The following CA5A variants were observed in gnomAD, a reference collection of about 807,000 sequenced individuals.
The protein encoded by CA5A is carbonic anhydrase 5A.
In CA5A, 28 loss-of-function variants were observed where a neutral mutation model predicts 37.1. That is an observed-to-expected ratio of 0.75 (90% CI 0.56 to 1.03). CA5A has a LOEUF of 1.03. Ranked by LOEUF, CA5A falls within the 50% of genes least tolerant of loss-of-function variation. CA5A has a pLI of 0.00. For synonymous variants in CA5A, 171 were observed against 158.4 expected, an observed-to-expected ratio of 1.08 and a Z score of -0.60; for missense variants, 444 against 399.9, an observed-to-expected ratio of 1.11 and a Z score of -0.94.
At chr16:87,929,341 A>AC (rs1339721430) in intron 1 of CA5A, among the ~76,000 whole-genome samples, 7 of 150,726 alleles carry the variant, frequency 4.6e-5, no homozygotes, top group Non-Finnish European at 1.0e-4. Context: ...AATCCCAGCT[A>AC]CCGGGGAGGC....
chr16:87,933,494 G>A (rs2056434015), intron 1 of CA5A, among the ~76,000 whole-genome samples: 1 of 152,110 alleles, frequency 6.6e-6, no homozygotes, highest in African/African-American at 2.4e-5. Context: ...TCCTGCCTCA[G>A]CCTCCCAAGT....
intron 2 of CA5A, among the ~76,000 whole-genome samples, chr16:87,918,906 A>T (rs756504360): frequency 1.4e-4 from 21 of 152,154 alleles, no homozygotes; most frequent in Non-Finnish European, 2.8e-4. Flanking sequence ...AGAGACGGGG[A>T]GGGGACCGGG....
intron 2 of CA5A, among the ~76,000 whole-genome samples, chr16:87,914,011 C>G (rs528584234): frequency 2.0e-5 from 3 of 152,210 alleles, no homozygotes; most frequent in Non-Finnish European, 2.9e-5. Flanking sequence ...CTTATTTCCC[C>G]GATGACCTTT....
chr16:87,905,039 C>A lies in CA5A; in HGVS notation c.341-135G>T, dbSNP rs201120156. 1,458 of 696,064 alleles carry A rather than the reference C, an allele frequency of 2.1e-3. 1 individual carries two copies. Among genetic ancestry groups the A allele is most frequent in the Middle Eastern group, 8.3e-3 (20 of 2,424 alleles). 43.1% of individuals were successfully genotyped at this position (696,064 alleles called of 1,614,324 possible). ...TTGCTGTATGGTTGAAGTGACAAGC[C>A]AAAGGTGGGCTCCGTGAAAGGTGGG... is the stretch of plus-strand genomic sequence containing the variant. On this transcript the variant is annotated intron_variant, in intron 2 of 6. Coordinates refer to ENST00000649794, the MANE Select transcript of CA5A (RefSeq NM_001739.2).
chr16:87,912,402 C>G (rs1284160233), intron 2 of CA5A, among the ~76,000 whole-genome samples: 1 of 152,198 alleles, frequency 6.6e-6, no homozygotes, highest in Non-Finnish European at 1.5e-5. Flanking sequence ...AAGCAGATAC[C>G]ACGATTCTCA....
chr16:87,909,760 C>T (rs2056023592), intron 2 of CA5A, among the ~76,000 whole-genome samples: 1 of 152,216 alleles, frequency 6.6e-6, no homozygotes, highest in African/African-American at 2.4e-5. Flanking sequence ...CGAAATTAGA[C>T]CTGCGCCGCG....
In CA5A at chr16:87,908,914, C is replaced by T. The variant is rs140348760; in HGVS notation, c.341-4010G>A. ...CACTGCAACCTCCACCTCCCGGGTT[C>T]AAGAGATTCTCCTGCCTCACTGCCT... On this transcript the variant is annotated intron_variant, in intron 2 of 6. Coordinates refer to ENST00000649794, the MANE Select transcript of CA5A (RefSeq NM_001739.2). Among the ~76,000 whole-genome samples, 887 of 152,156 alleles carry T rather than the reference C, an allele frequency of 5.8e-3. 11 individuals are homozygous for T. Among genetic ancestry groups the T allele is most frequent in the African/African-American group, 0.02 (840 of 41,484 alleles).
chr16:87,891,873 G>C lies in CA5A; in HGVS notation c.700C>G (p.Leu234Val). The C allele has an allele frequency of 6.4e-7, 1 of 1,574,220 alleles. No homozygotes were observed. The highest frequency in any genetic ancestry group is 8.6e-7 in the Non-Finnish European group (1 of 1,161,932). ...GACTCGGTCAGCGGCGGGGTGGTGA[G>C]CGAGCCCGCGTAGGTCCAGTAATCC... Reference protein sequence around the residue: ...CWDYWTYAGSLTTPPLTESVT... With the variant: ...CWDYWTYAGSVTTPPLTESVT... Residue 234 changes from leucine (L) to valine (V), a missense_variant, in exon 6 of 7, where the codon CTC becomes GTC. Physicochemically the swap from Leu to Val is conservative, Grantham distance 32. Transcript: ENST00000649794.
At chr16:87,883,824 T>A (rs1239246472), downstream of CA5A, 1 of 150,394 alleles carries the variant, frequency 6.6e-6, no homozygotes, top group African/African-American at 2.4e-5. Flanking sequence ...TTTTTTTTAG[T>A]AGAGACGGGG....
intron 2 of CA5A, chr16:87,924,118 G>C: frequency 2.0e-6 from 2 of 985,422 alleles, no homozygotes; most frequent in Non-Finnish European, 2.4e-6. Flanking sequence ...GGCCTGGTTT[G>C]TGCCTCCCAA....
intron 1 of CA5A, among the ~76,000 whole-genome samples, chr16:87,928,221 G>A (rs1454059454): frequency 1.3e-5 from 2 of 152,192 alleles, no homozygotes; most frequent in Non-Finnish European, 1.5e-5. Context: ...CCAGGCTGGA[G>A]TGTAGTGGTG....
At chr16:87,917,937 C>T (rs574937024) in intron 2 of CA5A, among the ~76,000 whole-genome samples, 1 of 152,336 alleles carries the variant, frequency 6.6e-6, no homozygotes, top group African/African-American at 2.4e-5. Flanking sequence ...ATGCTCACAT[C>T]GTTTCCTCTC....
chr16:87,902,072 G>A, intron 4 of CA5A, 98 bp from the exon 5 acceptor site: 1 of 1,086,462 alleles, frequency 9.2e-7, no homozygotes, highest in East Asian at 2.4e-5. Flanking sequence ...AGCAATCCTA[G>A]GCCAGGTGCG....
intron 2 of CA5A, 128 bp from the exon 3 acceptor site, chr16:87,905,032 G>A (rs1223680207): frequency 2.8e-6 from 2 of 707,592 alleles, no homozygotes; most frequent in African/African-American, 3.5e-5. Flanking sequence ...TGGTTGAAGT[G>A]ACAAGCCAAA....
At chr16:87,921,593 G>A (rs1445870678) in intron 2 of CA5A, among the ~76,000 whole-genome samples, 3 of 152,184 alleles carry the variant, frequency 2.0e-5, no homozygotes, top group East Asian at 1.9e-4. Flanking sequence ...GAGTGGCCAC[G>A]CCCAGGTCCC....
At chr16:87,920,999 G>C (rs944539265) in intron 2 of CA5A, among the ~76,000 whole-genome samples, 1 of 151,886 alleles carries the variant, frequency 6.6e-6, no homozygotes, top group Admixed American at 6.6e-5. Context: ...CTCCATGTTG[G>C]TCAGGCTGGT....
chr16:87,925,025 G>T (rs538902199), intron 2 of CA5A, among the ~76,000 whole-genome samples: 3 of 152,302 alleles, frequency 2.0e-5, no homozygotes, highest in Non-Finnish European at 2.9e-5. Flanking sequence ...TGCCTAGGAG[G>T]CCTGGCGCAT....
intron 1 of CA5A, among the ~76,000 whole-genome samples, chr16:87,933,220 A>G (rs1339882439): frequency 1.3e-5 from 2 of 152,224 alleles, no homozygotes; most frequent in African/African-American, 4.8e-5. Flanking sequence ...GGAATTTAGA[A>G]TCTTTGATTT....
Position 87,897,328 on chromosome 16 carries a change from C to T in CA5A, c.618+4584G>A, listed in dbSNP as rs543372324. On this transcript the variant is annotated intron_variant, in intron 5 of 6. Coordinates refer to ENST00000649794, the MANE Select transcript of CA5A (RefSeq NM_001739.2). ...TCCAGGCATGGAGGGTGGGGACCCTCTGTGGGCAGTTTTTGCCAAAACTTC... is the reference window on the plus strand; with the variant it reads ...TCCAGGCATGGAGGGTGGGGACCCTTTGTGGGCAGTTTTTGCCAAAACTTC... 1.6e-4 allele frequency among the ~76,000 whole-genome samples: 25 copies of T among 152,362 alleles called. No homozygotes were observed. In the South Asian group the frequency reaches 5.0e-3, roughly 30 times the overall value.
Sources: allele counts gnomAD v4.1 joint callset (sites outside exome capture counted in the v4.1 genomes callset), GRCh38; gene constraint gnomAD v4.1.1; transcripts MANE v1.5; gene names NCBI Gene and HGNC (gene_info 2026-07-23, HGNC 2026-07-21).